CDKN2B: variants seen among roughly 807,000 people sequenced by gnomAD.
CDKN2B encodes cyclin-dependent kinase 4 inhibitor B.
A neutral mutation model predicts 7.7 loss-of-function variants in CDKN2B; 8 were observed. The observed-to-expected ratio is 1.04, with a 90% CI of 0.61 to 1.87. The LOEUF is 1.87. CDKN2B is among the 40% of genes most tolerant of loss of function. The pLI, the probability that CDKN2B is intolerant of heterozygous loss-of-function variation, is 0.00. For missense variants in CDKN2B, 244 were observed against 213.1 expected, an observed-to-expected ratio of 1.15 and a Z score of -0.90; for synonymous variants, 93 against 95.8, an observed-to-expected ratio of 0.97 and a Z score of 0.17.
Position 22,008,870 on chromosome 9 carries a change from C to T in CDKN2B, c.84G>A (p.Glu28=), listed in dbSNP as rs756887421. ...CGGCTTCCAGGAGCTGTCGCACCTT[C>T]TCCACTAGTCCCCGCGCCGCGGCGC... ...LASAAARGLV[E]KVRQLLEAGA... Residue 28 remains glutamate, a synonymous_variant, in exon 1 of 2, where the codon GAG becomes GAA. Coordinates refer to ENST00000276925, the MANE Select transcript of CDKN2B (RefSeq NM_004936.4). 7.4e-6 allele frequency: 12 copies of T among 1,612,154 alleles called. No individual in the cohort carries two copies. The South Asian group carries it at 1.3e-4, about 18-fold the overall frequency.
Position 22,005,949 on chromosome 9 carries a change from GAAAAT to G in CDKN2B, c.*33_*37del. 6.3e-7 allele frequency: 1 copy of G among 1,597,218 alleles called. No individual in the cohort carries two copies. The highest frequency in any genetic ancestry group is 8.5e-7 in the Non-Finnish European group (1 of 1,179,222). Reference sequence around the variant, plus strand: ...TGGGTGGGGGTGGGAAATTGGGTAAGAAAATAAAGTCGTTGTGGGCGGCTGGGGAA... The same window carrying G: ...TGGGTGGGGGTGGGAAATTGGGTAAGAAAGTCGTTGTGGGCGGCTGGGGAA... On this transcript the variant is annotated 3_prime_UTR_variant, in exon 2 of 2. Coordinates refer to ENST00000276925, the MANE Select transcript of CDKN2B (RefSeq NM_004936.4). The surrounding 1 kb of genome is among the most constrained non-coding windows in gnomAD (Gnocchi z 4.9).
In CDKN2B at chr9:22,009,035, G is replaced by C. The variant is rs1821351333; in HGVS notation, c.-82C>G. On this transcript the variant is annotated 5_prime_UTR_variant, in exon 1 of 2. Coordinates refer to ENST00000276925, the MANE Select transcript of CDKN2B (RefSeq NM_004936.4). Reference sequence around the variant, plus strand: ...ACGACACTCTTCCCTTCTTTCCCACGCTGCTCCGGCGCACTCTCTCCTTCC... The same window carrying C: ...ACGACACTCTTCCCTTCTTTCCCACCCTGCTCCGGCGCACTCTCTCCTTCC... 10 of 1,585,920 alleles carry C rather than the reference G, an allele frequency of 6.3e-6. No homozygotes were observed. Among genetic ancestry groups the C allele is most frequent in the Middle Eastern group, 1.9e-4 (1 of 5,248 alleles).
At position 22,003,494 on chromosome 9, in the gene CDKN2B, A is replaced by G. The variant is rs1179451818; in HGVS notation, c.*2493T>C. The G allele has an allele frequency of 4.4e-6, 1 of 228,754 alleles. No individual in the cohort carries two copies. Among genetic ancestry groups the G allele is most frequent in the Non-Finnish European group, 8.7e-6 (1 of 115,508 alleles). 14.2% of individuals were successfully genotyped at this position (228,754 alleles called of 1,614,324 possible). On this transcript the variant is annotated 3_prime_UTR_variant, in exon 2 of 2. Transcript: ENST00000276925. Reference sequence around the variant, plus strand: ...CAACTAGCAAATTTAAACATCTTGGAATTTAAGATATAGAGGTCAAATTAA... The same window carrying G: ...CAACTAGCAAATTTAAACATCTTGGGATTTAAGATATAGAGGTCAAATTAA...
rs748001006 is a variant in CDKN2B at position 22,006,120 on chromosome 9, G to T, written c.284C>A (p.Thr95Lys). 6.2e-7 allele frequency: 1 copy of T among 1,610,898 alleles called. No homozygotes were observed. Residue 95 changes from threonine (T) to lysine (K), a missense_variant, in exon 2 of 2, where the codon ACG (threonine) becomes AAG (lysine). Coordinates refer to ENST00000276925, the MANE Select transcript of CDKN2B (RefSeq NM_004936.4). This position sits in a 1 kb window ranked among gnomAD's most constrained non-coding sequence, Gnocchi z 6.4. ...CCCGGCCCGGTGCAGCACCACCAGC[G>T]TGTCCAGGAAGCCCTCCCGGGCAGC... The part of the protein sequence containing the change: ...HDAAREGFLD[T>K]LVVLHRAGAR...
In CDKN2B at chr9:22,003,224, C is replaced by T. The variant is rs3217992; in HGVS notation, c.*2763G>A. On this transcript the variant is annotated 3_prime_UTR_variant, in exon 2 of 2. Transcript: ENST00000276925. ...ACATGGCATTGATAAGTTACTATTT[C>T]AATACAACCAGGTGGTAATTGATAC... 74,929 of 216,292 alleles carry T rather than the reference C, an allele frequency of 0.35. 14,389 individuals carry two copies. The highest frequency in any genetic ancestry group is 0.52 in the East Asian group (7,475 of 14,364). The allele number at this position is 216,292 out of a possible 1,614,324, so 13.4% of individuals were successfully genotyped here. A position where few individuals can be genotyped will look rare whatever the true frequency, so the allele number is the denominator to read the frequency against.
At chr9:22,008,694 C>A (rs1288148296) in intron 1 of CDKN2B, 104 bp downstream of exon 1, 2 of 1,611,046 alleles carry the variant, frequency 1.2e-6, no homozygotes, top group Non-Finnish European at 1.7e-6. Flanking sequence ...ACGGAGACTC[C>A]TGTACAAATC....
chr9:22,009,111 TG>T lies in CDKN2B; in HGVS notation c.-159del. 2.6e-6 allele frequency: 3 copies of T among 1,134,654 alleles called. No homozygotes were observed. The highest frequency in any genetic ancestry group is 3.8e-6 in the Non-Finnish European group (3 of 780,490). The allele number at this position is 1,134,654 out of a possible 1,614,324, so 70.3% of individuals were successfully genotyped here. On this transcript the variant is annotated 5_prime_UTR_variant, in exon 1 of 2. Transcript: ENST00000276925. ...ACCCTCCCGTCGTCCTTCTGCGGCT[TG>T]GGGCCCCGTGCAGTGGCCGAGCGGC...
Position 22,009,067 on chromosome 9 carries a change from A to AGAGAGTG in CDKN2B, c.-115_-114insCACTCTC. ...CGGCGCACTCTCTCCTTCCTAGGAG[A>AGAGAGTG]CCTGGGCTCAGCTTCATTACCCTCC... On this transcript the variant is annotated 5_prime_UTR_variant, in exon 1 of 2. The change abolishes the stop of an existing upstream ORF in the 5' untranslated region. Coordinates refer to ENST00000276925, the MANE Select transcript of CDKN2B (RefSeq NM_004936.4). The AGAGAGTG allele has an allele frequency of 6.7e-7, 1 of 1,502,678 alleles. No homozygotes were observed. Among genetic ancestry groups the AGAGAGTG allele is most frequent in the Non-Finnish European group, 9.2e-7 (1 of 1,087,188 alleles). The allele number at this position is 1,502,678 out of a possible 1,614,324, so 93.1% of individuals were successfully genotyped here.
rs567609105 is a variant in CDKN2B, at chr9:22,006,302, C to G, written c.157-55G>C. The G allele has an allele frequency of 6.1e-5, 97 of 1,596,652 alleles. No homozygotes were observed. In the East Asian group the frequency reaches 1.7e-3, roughly 28 times the overall value. On this transcript the variant is annotated intron_variant, in intron 1 of 1. Transcript: ENST00000276925. This position sits in a 1 kb window ranked among gnomAD's most constrained non-coding sequence, Gnocchi z 6.4. ...AGGGTGGGGGCAGGTATGGGAGATG[C>G]CGGCCGGGGCAAGGCAGGTGGAGCC...
chr9:22,006,856 G>A lies in CDKN2B; in HGVS notation c.157-609C>T, dbSNP rs1216465739. On this transcript the variant is annotated intron_variant, in intron 1 of 1. Coordinates refer to ENST00000276925, the MANE Select transcript of CDKN2B (RefSeq NM_004936.4). The surrounding 1 kb of genome is among the most constrained non-coding windows in gnomAD (Gnocchi z 6.4). ...TAACTGGCTTGTAGTGTGATAATTT[G>A]AGCCAAAGTTGGAGATTAGAAGGGA... is the stretch of plus-strand genomic sequence containing the variant. Among the ~76,000 whole-genome samples, 1 of 151,764 alleles carries A rather than the reference G, an allele frequency of 6.6e-6. No homozygotes were observed. Among genetic ancestry groups the A allele is most frequent in the African/African-American group, 2.4e-5 (1 of 41,284 alleles).
At position 22,004,683 on chromosome 9, in the gene CDKN2B, T is replaced by C. The variant is rs1292412339; in HGVS notation, c.*1304A>G. 1 of 232,824 alleles carries C rather than the reference T, an allele frequency of 4.3e-6. No individual in the cohort carries two copies. The highest frequency in any genetic ancestry group is 6.1e-5 in the East Asian group (1 of 16,450). 14.4% of individuals were successfully genotyped at this position (232,824 alleles called of 1,614,324 possible). A position where few individuals can be genotyped will look rare whatever the true frequency, so the allele number is the denominator to read the frequency against. Reference sequence around the variant, plus strand: ...AGTGCACCTTTAGTTTGTTCAGTGATAGTAGGACATCCCACGAGCCATCAT... The same window carrying C: ...AGTGCACCTTTAGTTTGTTCAGTGACAGTAGGACATCCCACGAGCCATCAT... On this transcript the variant is annotated 3_prime_UTR_variant, in exon 2 of 2. Coordinates refer to ENST00000276925, the MANE Select transcript of CDKN2B (RefSeq NM_004936.4).
rs751928822 is a variant in CDKN2B, at chr9:22,005,991, T to C, written c.413A>G (p.Asp138Gly). 6.9e-6 allele frequency: 11 copies of C among 1,601,806 alleles called. No homozygotes were observed. The East Asian group carries it at 1.6e-4, about 23-fold the overall frequency. Residue 138 changes from aspartate to glycine, a missense_variant, in exon 2 of 2, where the codon GAC becomes GGC. By Grantham distance (94) the Asp-to-Gly change is moderately conservative (BLOSUM62 -1). Coordinates refer to ENST00000276925, the MANE Select transcript of CDKN2B (RefSeq NM_004936.4). The surrounding 1 kb of genome is among the most constrained non-coding windows in gnomAD (Gnocchi z 4.9). ...GGGCGGCTGGGGAACCTGGCGTCAG[T>C]CCCCCGTGGCTGTGCGCAGGTACCC... ...VAGYLRTATG[D>G]
chr9:22,005,612 A>C lies in CDKN2B; in HGVS notation c.*375T>G. 2.3e-6 allele frequency: 1 copy of C among 438,822 alleles called. No homozygotes were observed. Among genetic ancestry groups the C allele is most frequent in the Non-Finnish European group, 4.2e-6 (1 of 236,130 alleles). The allele number at this position is 438,822 out of a possible 1,614,324, so 27.2% of individuals were successfully genotyped here. ...TGCTAATCACTGCCTTCTCCCACTC[A>C]GCGCTGGAGTGGGAGATTCATCCAT... is the stretch of plus-strand genomic sequence containing the variant. On this transcript the variant is annotated 3_prime_UTR_variant, in exon 2 of 2. Coordinates refer to ENST00000276925, the MANE Select transcript of CDKN2B (RefSeq NM_004936.4). This position sits in a 1 kb window ranked among gnomAD's most constrained non-coding sequence, Gnocchi z 4.9.
chr9:22,004,376 C>T lies in CDKN2B; in HGVS notation c.*1611G>A, dbSNP rs756740443. ...AGAATGAGCATTTAGAAGCATAATACATGTATACACTTTGTGTTTAATTTT... is the reference window on the plus strand; with the variant it reads ...AGAATGAGCATTTAGAAGCATAATATATGTATACACTTTGTGTTTAATTTT... On this transcript the variant is annotated 3_prime_UTR_variant, in exon 2 of 2. Transcript: ENST00000276925. The T allele has an allele frequency of 8.6e-6, 2 of 231,960 alleles. No individual in the cohort carries two copies. The highest frequency in any genetic ancestry group is 1.7e-5 in the Non-Finnish European group (2 of 117,366). 14.4% of individuals were successfully genotyped at this position (231,960 alleles called of 1,614,324 possible).
chr9:22,008,770 G>A, intron 1 of CDKN2B, 28 bp downstream of exon 1: 1 of 1,608,954 alleles, frequency 6.2e-7, no homozygotes, highest in African/African-American at 1.3e-5. Context: ...CGCGCCCCCT[G>A]CCGGCGAGGC....
At chr9:22,008,258 T>A (rs1000932694) in intron 1 of CDKN2B, among the ~76,000 whole-genome samples, 1 of 152,190 alleles carries the variant, frequency 6.6e-6, no homozygotes, top group Non-Finnish European at 1.5e-5. Flanking sequence ...CTCTTATGCA[T>A]CACTCATAAG....
chr9:22,005,969 C>A lies in CDKN2B; in HGVS notation c.*18G>T, dbSNP rs747033447. ...GGTAAGAAAATAAAGTCGTTGTGGG[C>A]GGCTGGGGAACCTGGCGTCAGTCCC... is the stretch of plus-strand genomic sequence containing the variant. On this transcript the variant is annotated 3_prime_UTR_variant, in exon 2 of 2. Coordinates refer to ENST00000276925, the MANE Select transcript of CDKN2B (RefSeq NM_004936.4). The surrounding 1 kb of genome is among the most constrained non-coding windows in gnomAD (Gnocchi z 4.9). 6.3e-7 allele frequency: 1 copy of A among 1,598,988 alleles called. No homozygotes were observed. The highest frequency in any genetic ancestry group is 8.5e-7 in the Non-Finnish European group (1 of 1,179,338).
In CDKN2B at chr9:22,006,421, A is replaced by G. The variant is rs1821192896; in HGVS notation, c.157-174T>C. 1 of 856,628 alleles carries G rather than the reference A, an allele frequency of 1.2e-6. No homozygotes were observed. The highest frequency in any genetic ancestry group is 1.7e-5 in the African/African-American group (1 of 59,740). 53.1% of individuals were successfully genotyped at this position (856,628 alleles called of 1,614,324 possible). A position where few individuals can be genotyped will look rare whatever the true frequency, so the allele number is the denominator to read the frequency against. ...GTTTCTTCATTTGCTGATGCAATCCACTTTCCCACCCCACCTTCAGGTTAT... is the reference window on the plus strand; with the variant it reads ...GTTTCTTCATTTGCTGATGCAATCCGCTTTCCCACCCCACCTTCAGGTTAT... On this transcript the variant is annotated intron_variant, in intron 1 of 1. Transcript: ENST00000276925. This position sits in a 1 kb window ranked among gnomAD's most constrained non-coding sequence, Gnocchi z 6.4.
rs1821346506 is a variant in CDKN2B at position 22,008,965 on chromosome 9, C to A, written c.-12G>T. The stretch of plus-strand genomic sequence containing the variant: ...TTCTCCTCGCGCATTCCGCAGCCCC[C>A]AGACGCGCAGCGGCCCGGATAATCC... On this transcript the variant is annotated 5_prime_UTR_variant, in exon 1 of 2. Coordinates refer to ENST00000276925, the MANE Select transcript of CDKN2B (RefSeq NM_004936.4). 1 of 1,613,270 alleles carries A rather than the reference C, an allele frequency of 6.2e-7. No homozygotes were observed. Among genetic ancestry groups the A allele is most frequent in the Non-Finnish European group, 8.5e-7 (1 of 1,179,962 alleles).
Sources: allele counts gnomAD v4.1 joint callset (sites outside exome capture counted in the v4.1 genomes callset), GRCh38; gene constraint gnomAD v4.1.1; non-coding constraint Gnocchi (gnomAD v3.1); transcripts MANE v1.5; gene names NCBI Gene and HGNC (gene_info 2026-07-23, HGNC 2026-07-21).